Variants in NEK5 observed in about 807,000 individuals in gnomAD.
NEK5 encodes NIMA related kinase 5.
Under a neutral mutation model 109.2 loss-of-function variants are expected in NEK5, and 88 were observed. That is an observed-to-expected ratio of 0.81 (90% CI 0.68 to 0.96). The LOEUF (loss-of-function observed/expected upper bound fraction) is 0.96, where lower values mean the gene tolerates loss of function less well. Among genes scored for constraint, NEK5 ranks in the 40% least tolerant of loss-of-function variants. The pLI is 0.00. For synonymous variants in NEK5, 283 were observed against 299.9 expected, an observed-to-expected ratio of 0.94 and a Z score of 0.58; for missense variants, 834 against 920.7, an observed-to-expected ratio of 0.91 and a Z score of 1.22.
At chr13:52,123,641 C>A (rs1956010596) in intron 3 of NEK5, among the ~76,000 whole-genome samples, 1 of 152,150 alleles carries the variant, frequency 6.6e-6, no homozygotes, top group African/African-American at 2.4e-5. Flanking sequence ...CAGCACAAAA[C>A]ACACATGGAC....
At chr13:52,082,400 T>G (rs552923290) in intron 17 of NEK5, 2 of 1,126,382 alleles carry the variant, frequency 1.8e-6, no homozygotes, top group African/African-American at 3.4e-5. Flanking sequence ...ACACTTGGGC[T>G]TCTTATTCGC....
At position 52,102,141 on chromosome 13, in the gene NEK5, A is replaced by G; in HGVS notation, c.761T>C (p.Leu254Ser). 1 of 1,614,110 alleles carries G rather than the reference A, an allele frequency of 6.2e-7. No individual in the cohort carries two copies. The highest frequency in any genetic ancestry group is 8.5e-7 in the Non-Finnish European group (1 of 1,179,962). ...AAGATTCTCTAAAAAGGGCCTTTTC[A>G]AAATGGAATTTATGGATGGTCGGTC... ...PRDRPSINSI[L>S]KRPFLENLIP... Residue 254 changes from leucine (L) to serine (S), a missense_variant, in exon 10 of 24, where the codon TTG (leucine) becomes TCG (serine). This residue lies in a region of NEK5 where 777 missense variants were observed against 824.7 expected (regional missense o/e 0.94). Transcript: ENST00000684899.
At chr13:52,098,195 C>A (rs1212660054) in intron 12 of NEK5, among the ~76,000 whole-genome samples, 1 of 152,008 alleles carries the variant, frequency 6.6e-6, no homozygotes, top group Non-Finnish European at 1.5e-5. Flanking sequence ...ACTAATACAT[C>A]CAGGCTGCAG....
intron 19 of NEK5, 129 bp from the exon 20 acceptor site, chr13:52,072,199 A>G (rs1053256533): frequency 3.0e-6 from 2 of 664,104 alleles, no homozygotes; most frequent in Non-Finnish European, 5.1e-6. Context: ...TGTTTACTAA[A>G]CAAATAAATC....
intron 13 of NEK5, among the ~76,000 whole-genome samples, chr13:52,090,275 G>A (rs989288049): frequency 6.6e-6 from 1 of 152,104 alleles, no homozygotes; most frequent in Non-Finnish European, 1.5e-5. Context: ...AATAAAAACC[G>A]CATTTCAGAC....
At chr13:52,079,909 G>C (rs1426672823) in intron 17 of NEK5, among the ~76,000 whole-genome samples, 1 of 133,898 alleles carries the variant, frequency 7.5e-6, no homozygotes, top group Admixed American at 7.8e-5. Context: ...CCTTTGCCCC[G>C]CCGCCCCGTC....
intron 4 of NEK5, among the ~76,000 whole-genome samples, chr13:52,114,261 C>A (rs541335741): frequency 1.3e-5 from 2 of 152,144 alleles, no homozygotes; most frequent in Non-Finnish European, 2.9e-5. Flanking sequence ...TGAAGGAACA[C>A]AAAACATAAG....
At chr13:52,069,422 C>T (rs1954748805) in intron 20 of NEK5, among the ~76,000 whole-genome samples, 2 of 152,152 alleles carry the variant, frequency 1.3e-5, no homozygotes, top group South Asian at 4.1e-4. Flanking sequence ...TCACTCCAGT[C>T]CTTCTGCATA....
intron 12 of NEK5, among the ~76,000 whole-genome samples, chr13:52,095,307 A>C (rs1955383904): frequency 6.6e-6 from 1 of 152,222 alleles, no homozygotes; most frequent in Non-Finnish European, 1.5e-5. Flanking sequence ...ACCTAGAAGA[A>C]AATGCTACTA....
At chr13:52,062,406 G>T (rs1309006851) in intron 21 of NEK5, among the ~76,000 whole-genome samples, 1 of 151,642 alleles carries the variant, frequency 6.6e-6, no homozygotes, top group African/African-American at 2.4e-5. Flanking sequence ...GGCTGCTATG[G>T]CCCTCTTCTT....
chr13:52,037,108 T>G lies in NEK5; in HGVS notation c.2339A>C (p.Lys780Thr). Residue 780 changes from lysine to threonine, a missense_variant, in exon 24 of 24, where the codon AAG becomes ACG. Physicochemically the swap from Lys to Thr is moderately conservative, Grantham distance 78 (BLOSUM62 -1). Coordinates refer to ENST00000684899, the MANE Select transcript of NEK5 (RefSeq NM_001365552.1). ...TCTTTCTCTTGACTTTCTAGAGTCC[T>G]TAGAGGTACTGGAGGCCTCTTCTGT... The part of the protein sequence containing the change: ...EKTEEASSTS[K>T]DSRKSREREG... 1.0e-6 allele frequency: 1 copy of G among 985,414 alleles called. No homozygotes were observed. The highest frequency in any genetic ancestry group is 1.2e-6 in the Non-Finnish European group (1 of 829,902). 61.0% of individuals were successfully genotyped at this position (985,414 alleles called of 1,614,324 possible).
intron 4 of NEK5, among the ~76,000 whole-genome samples, chr13:52,115,895 C>T (rs193211981): frequency 2.5e-4 from 38 of 151,918 alleles, no homozygotes; most frequent in Non-Finnish European, 5.0e-4. Context: ...AAGGGCCTGG[C>T]GCAGCAGCTC....
chr13:52,105,786 C>A (rs76146863), intron 8 of NEK5, among the ~76,000 whole-genome samples: 1 of 152,060 alleles, frequency 6.6e-6, no homozygotes, highest in South Asian at 2.1e-4. Context: ...ATGGAGCCAG[C>A]GGCTACCCAC....
chr13:52,042,224 G>A (rs1954420648), intron 23 of NEK5, among the ~76,000 whole-genome samples: 1 of 151,564 alleles, frequency 6.6e-6, no homozygotes, highest in South Asian at 2.1e-4. Flanking sequence ...ACTACTCACT[G>A]ACATATCATA....
rs773736186 is a variant in NEK5 at position 52,033,622 on chromosome 13, A to G, written c.*3326T>C. 1.8e-5 allele frequency: 3 copies of G among 165,790 alleles called. No individual in the cohort carries two copies. The highest frequency in any genetic ancestry group is 4.4e-5 in the Non-Finnish European group (3 of 68,116). 10.3% of individuals were successfully genotyped at this position (165,790 alleles called of 1,614,324 possible). On this transcript the variant is annotated 3_prime_UTR_variant, in exon 24 of 24. Coordinates refer to ENST00000684899, the MANE Select transcript of NEK5 (RefSeq NM_001365552.1). ...TTAAGAAGAGGCTGTCAGGTTTAAT[A>G]AACTTTTTAATGAATATTTCAGACA... is the stretch of plus-strand genomic sequence containing the variant.
chr13:52,081,544 G>T (rs1332379413), intron 17 of NEK5, among the ~76,000 whole-genome samples: 1 of 151,992 alleles, frequency 6.6e-6, no homozygotes, highest in Non-Finnish European at 1.5e-5. Flanking sequence ...ACTAAGGAAC[G>T]GATACTTTAT....
chr13:52,070,728 A>C (rs922627206), intron 20 of NEK5, among the ~76,000 whole-genome samples: 13 of 152,356 alleles, frequency 8.5e-5, no homozygotes, highest in African/African-American at 3.1e-4. Flanking sequence ...AAATGGACTA[A>C]TACAGTAACC....
At chr13:52,048,037 G>C (rs1406049758) in intron 23 of NEK5, among the ~76,000 whole-genome samples, 1 of 152,080 alleles carries the variant, frequency 6.6e-6, no homozygotes, top group Non-Finnish European at 1.5e-5. Context: ...GAAAATTACA[G>C]CTAGATAAGA....
At chr13:52,114,272 C>G (rs903708596) in intron 4 of NEK5, among the ~76,000 whole-genome samples, 2 of 151,824 alleles carry the variant, frequency 1.3e-5, no homozygotes, top group Non-Finnish European at 2.9e-5. Context: ...AAAACATAAG[C>G]GCCAAAATCA....
Sources: gnomAD v4.1 joint callset for allele counts (sites outside exome capture counted in the v4.1 genomes callset) on GRCh38, gnomAD v4.1.1 for gene constraint, gnomAD v4.1.1 regional missense constraint, MANE v1.5 for transcripts, NCBI Gene and HGNC (gene_info 2026-07-23, HGNC 2026-07-21) for gene names.